The following ATP13A5 variants were observed in gnomAD, a reference collection of about 807,000 sequenced individuals.
ATP13A5 encodes the protein ATPase 13A5.
Under a neutral mutation model 150.2 loss-of-function variants are expected in ATP13A5, and 149 were observed. That is an observed-to-expected ratio of 0.99 (90% CI 0.87 to 1.14). ATP13A5 has a LOEUF of 1.14. Among genes scored for constraint, ATP13A5 ranks in the 50% most tolerant of loss-of-function variants. ATP13A5 has a pLI of 0.00. For missense variants in ATP13A5, 1,383 were observed against 1,449.3 expected (o/e 0.95, Z 0.74); for synonymous variants, 497 against 522.2 (o/e 0.95, Z 0.66).
chr3:193,350,666 T>C (rs1038717), intron 7 of ATP13A5, among the ~76,000 whole-genome samples: 81,860 of 151,432 alleles, frequency 0.54, 22,298 homozygotes, highest in African/African-American at 0.61. Context: ...ATAGAACAAA[T>C]ACAATATTTA....
chr3:193,275,874 A>C (rs754593476), intron 29 of ATP13A5, among the ~76,000 whole-genome samples: 6 of 152,172 alleles, frequency 3.9e-5, no homozygotes, highest in Non-Finnish European at 7.3e-5. Flanking sequence ...TTAGCCTTTA[A>C]AAATTTTTAT....
intron 8 of ATP13A5, among the ~76,000 whole-genome samples, chr3:193,344,703 CCAGA>C (rs1712262915): frequency 6.6e-6 from 1 of 152,030 alleles, no homozygotes; most frequent in African/African-American, 2.4e-5. Flanking sequence ...TTGAAGGAAC[CCAGA>C]CATTGGGTAA....
At chr3:193,316,587 T>G (rs1719060801) in intron 17 of ATP13A5, among the ~76,000 whole-genome samples, 2 of 152,206 alleles carry the variant, frequency 1.3e-5, no homozygotes, top group African/African-American at 2.4e-5. Context: ...AGTTGAGCAC[T>G]TTTTCATATA....
intron 23 of ATP13A5, 144 bp from the exon 24 acceptor site, chr3:193,301,451 C>A (rs1577335000): frequency 1.1e-5 from 7 of 630,224 alleles, no homozygotes; most frequent in South Asian, 2.0e-5. Context: ...ATTTATTTAA[C>A]CACTCATTCA....
chr3:193,331,871 A>G (rs1673852188), intron 11 of ATP13A5, among the ~76,000 whole-genome samples: 1 of 152,230 alleles, frequency 6.6e-6, no homozygotes, highest in Admixed American at 6.5e-5. Flanking sequence ...ACAGGTAAGG[A>G]AACTGAGGTT....
intron 5 of ATP13A5, among the ~76,000 whole-genome samples, chr3:193,355,228 G>A (rs1212710994): frequency 2.0e-5 from 3 of 151,978 alleles, no homozygotes; most frequent in Non-Finnish European, 2.9e-5. Context: ...CAGCACGCCC[G>A]GCCTACAATG....
At chr3:193,354,940 C>CTTTTTTCTTTTT (rs1553821426) in intron 5 of ATP13A5, among the ~76,000 whole-genome samples, 3 of 127,916 alleles carry the variant, frequency 2.3e-5, no homozygotes, top group Non-Finnish European at 4.9e-5. Context: ...AACAATGTAA[C>CTTTTTTCTTTTT]TTTTTTTTTG....
chr3:193,276,849 CATTATTAT>C lies in ATP13A5; in HGVS notation c.3316-27_3316-20del. 6.3e-7 allele frequency: 1 copy of C among 1,580,832 alleles called. No individual in the cohort carries two copies. Reference sequence around the variant, plus strand: ...GGATCAACTGTTGAAAAACAAATACCATTATTATATTTTGCACACTTCACACTTTGAAA... The same window carrying C: ...GGATCAACTGTTGAAAAACAAATACCATTTTGCACACTTCACACTTTGAAA... On this transcript the variant is annotated intron_variant, in intron 28 of 29. Coordinates refer to ENST00000342358, the MANE Select transcript of ATP13A5 (RefSeq NM_198505.4).
chr3:193,299,285 G>T (rs981038566), intron 24 of ATP13A5, 82 bp from the exon 25 acceptor site: 5 of 1,058,604 alleles, frequency 4.7e-6, no homozygotes, highest in East Asian at 5.2e-5. Flanking sequence ...TTTTTAAGTC[G>T]TTAGGAGGCA....
At chr3:193,340,730 T>C (rs1712084810) in intron 9 of ATP13A5, among the ~76,000 whole-genome samples, 1 of 152,228 alleles carries the variant, frequency 6.6e-6, no homozygotes. Flanking sequence ...ATTTAAGGCA[T>C]TAAATTTATT....
chr3:193,344,945 G>A, intron 8 of ATP13A5, 58 bp downstream of exon 8: 1 of 1,460,686 alleles, frequency 6.8e-7, no homozygotes, highest in Non-Finnish European at 9.6e-7. Flanking sequence ...AAGGACAAAT[G>A]AGACCAATTC....
At chr3:193,325,399 GA>G (rs1719433396) in intron 13 of ATP13A5, among the ~76,000 whole-genome samples, 1 of 152,168 alleles carries the variant, frequency 6.6e-6, no homozygotes, top group Admixed American at 6.5e-5. Flanking sequence ...CTTTGAGTTG[GA>G]TATGAATTTT....
chr3:193,358,591 C>A (rs1712881911), intron 5 of ATP13A5, among the ~76,000 whole-genome samples: 1 of 152,234 alleles, frequency 6.6e-6, no homozygotes, highest in Non-Finnish European at 1.5e-5. Flanking sequence ...CTCCATTCTA[C>A]AAATGACATG....
intron 7 of ATP13A5, among the ~76,000 whole-genome samples, chr3:193,347,186 T>C (rs979322158): frequency 6.6e-6 from 1 of 152,206 alleles, no homozygotes; most frequent in Non-Finnish European, 1.5e-5. Context: ...ACATGGTATA[T>C]AAAATGGCTC....
In ATP13A5 at chr3:193,321,832, T is replaced by G; in HGVS notation, c.1764A>C (p.Pro588=). 2 of 1,614,060 alleles carry G rather than the reference T, an allele frequency of 1.2e-6. No individual in the cohort carries two copies. The highest frequency in any genetic ancestry group is 8.5e-7 in the Non-Finnish European group (1 of 1,179,960). The change falls in exon 16 of 30, where the codon CCA becomes CCC. Residue 588 remains proline, a synonymous_variant. Coordinates refer to ENST00000342358, the MANE Select transcript of ATP13A5 (RefSeq NM_198505.4). ...GGCACAAGGTGATGATGGCTTCCAC[T>G]GGACTCTGCAAGCCCATCAACAACA... ...IKPGPKASKS[P]VEAIITLCQF...
At chr3:193,357,766 T>C (rs1322797211) in intron 5 of ATP13A5, among the ~76,000 whole-genome samples, 1 of 152,190 alleles carries the variant, frequency 6.6e-6, no homozygotes, top group East Asian at 1.9e-4. Context: ...CTCCAGAAGT[T>C]GAACAATTTC....
intron 25 of ATP13A5, among the ~76,000 whole-genome samples, chr3:193,290,987 G>A (rs1446822545): frequency 6.6e-6 from 1 of 152,088 alleles, no homozygotes; most frequent in Non-Finnish European, 1.5e-5. Flanking sequence ...TTTGATGTAA[G>A]GGAAGAAGTG....
At chr3:193,307,192 A>T in intron 22 of ATP13A5, 135 bp downstream of exon 22, 2 of 1,533,036 alleles carry the variant, frequency 1.3e-6, no homozygotes, top group South Asian at 2.5e-5. Flanking sequence ...ACACTCAGGT[A>T]GAGGTGGATA....
intron 1 of ATP13A5, among the ~76,000 whole-genome samples, chr3:193,378,198 T>A (rs982853232): frequency 6.6e-6 from 1 of 152,186 alleles, no homozygotes; most frequent in Non-Finnish European, 1.5e-5. Flanking sequence ...CTTTAGTAAT[T>A]GATGCTTAAA....
Sources: gnomAD v4.1 joint callset for allele counts (sites outside exome capture counted in the v4.1 genomes callset) on GRCh38, gnomAD v4.1.1 for gene constraint, MANE v1.5 for transcripts, NCBI Gene and HGNC (gene_info 2026-07-23, HGNC 2026-07-21) for gene names.